UACA: variants seen among roughly 807,000 people sequenced by gnomAD.
The protein encoded by UACA is uveal autoantigen with coiled-coil domains and ankyrin repeats.
A neutral mutation model predicts 160.5 loss-of-function variants in UACA; 112 were observed. The ratio of observed to expected loss-of-function variants is 0.70; its 90% CI spans 0.60 to 0.82. The LOEUF is 0.82. UACA is among the 40% of genes least tolerant of loss of function. UACA has a pLI of 0.00. For synonymous variants in UACA, 557 were observed against 568.4 expected, an observed-to-expected ratio of 0.98 and a Z score of 0.29; for missense variants, 1,574 against 1,614.6, an observed-to-expected ratio of 0.97 and a Z score of 0.43.
intron 1 of UACA, among the ~76,000 whole-genome samples, chr15:70,710,282 A>G (rs1898644753): frequency 6.6e-6 from 1 of 152,200 alleles, no homozygotes; most frequent in African/African-American, 2.4e-5. Context: ...TAAATAAAAA[A>G]TAAATCTGAG....
intron 1 of UACA, among the ~76,000 whole-genome samples, chr15:70,724,177 T>C (rs1021161184): frequency 3.9e-5 from 6 of 152,322 alleles, no homozygotes; most frequent in African/African-American, 1.4e-4. Context: ...TAAGTATCTG[T>C]TGAGCAACTG....
intron 1 of UACA, among the ~76,000 whole-genome samples, chr15:70,747,926 T>C (rs1321690759): frequency 6.6e-6 from 1 of 152,188 alleles, no homozygotes; most frequent in African/African-American, 2.4e-5. Flanking sequence ...TGAAATAATA[T>C]ATTCTTAAAT....
intron 3 of UACA, among the ~76,000 whole-genome samples, chr15:70,694,482 G>A (rs1014949790): frequency 1.3e-5 from 2 of 152,136 alleles, no homozygotes; most frequent in African/African-American, 2.4e-5. Flanking sequence ...TTCTGACTGC[G>A]ACTTAGCTAC....
At chr15:70,769,481 G>A in the UACA span, among the ~76,000 whole-genome samples, 3 of 151,536 alleles carry the variant, frequency 2.0e-5, no homozygotes, top group Non-Finnish European at 2.9e-5. Context: ...TCAGTTATGG[G>A]AAAGGGAAAG....
intron 1 of UACA, among the ~76,000 whole-genome samples, chr15:70,707,398 G>A (rs557322648): frequency 6.6e-5 from 10 of 152,162 alleles, no homozygotes; most frequent in African/African-American, 2.4e-4. Flanking sequence ...GACACCAAAA[G>A]CTCAGCTACA....
chr15:70,700,357 AATTC>A (rs1378366994), intron 1 of UACA, among the ~76,000 whole-genome samples: 1 of 150,580 alleles, frequency 6.6e-6, no homozygotes, highest in Non-Finnish European at 1.5e-5. Context: ...TACAGAAAGC[AATTC>A]ATTATGTTTA....
At chr15:70,708,924 A>C (rs554644360) in intron 1 of UACA, among the ~76,000 whole-genome samples, 1 of 152,332 alleles carries the variant, frequency 6.6e-6, no homozygotes, top group East Asian at 1.9e-4. Flanking sequence ...TATTCTCTCA[A>C]GTTCTGTAAT....
intron 7 of UACA, among the ~76,000 whole-genome samples, chr15:70,686,484 C>CTTTT (rs59586401): frequency 9.5e-5 from 10 of 104,854 alleles, no homozygotes; most frequent in African/African-American, 2.4e-4. Context: ...AGCCAGGGTT[C>CTTTT]TTTTTTTTTT....
At chr15:70,693,815 G>T (rs550404583) in intron 3 of UACA, among the ~76,000 whole-genome samples, 1 of 152,126 alleles carries the variant, frequency 6.6e-6, no homozygotes, top group Non-Finnish European at 1.5e-5. Flanking sequence ...GAGCTCTGAA[G>T]AGGTAAGGTT....
In UACA at chr15:70,667,345, T is replaced by C. The variant is rs903041127; in HGVS notation, c.3339A>G (p.Pro1113=). 3.1e-6 allele frequency: 5 copies of C among 1,612,978 alleles called. No homozygotes were observed. Among genetic ancestry groups the C allele is most frequent in the Non-Finnish European group, 3.4e-6 (4 of 1,179,828 alleles). The change falls in exon 16 of 19, where the codon CCA becomes CCG. Residue 1113 remains proline (P), a synonymous_variant. Transcript: ENST00000322954. ...TTTTCAGAGCCTCAACCTGTTCCAA[T>C]GGAACATGTTGTTTTTGCAAAAGAT... is the stretch of plus-strand genomic sequence containing the variant. ...VQNLLQKQHV[P]LEQVEALKKS...
chr15:70,692,847 C>T (rs1027899006), intron 3 of UACA, among the ~76,000 whole-genome samples: 1 of 152,158 alleles, frequency 6.6e-6, no homozygotes, highest in Non-Finnish European at 1.5e-5. Flanking sequence ...ATGTTTTATT[C>T]ATCTTGGAGG....
intron 8 of UACA, among the ~76,000 whole-genome samples, chr15:70,683,401 C>T (rs190798303): frequency 1.3e-5 from 2 of 151,914 alleles, no homozygotes; most frequent in African/African-American, 4.8e-5. Context: ...CTCCTAAATT[C>T]GAAGGCAATT....
the UACA span, among the ~76,000 whole-genome samples, chr15:70,778,200 C>CAAAA: frequency 7.8e-6 from 1 of 128,498 alleles, no homozygotes. Flanking sequence ...GACCTGGTCT[C>CAAAA]AAAAAAAAAA....
chr15:70,716,985 G>A (rs1188296045), intron 1 of UACA, among the ~76,000 whole-genome samples: 1 of 152,184 alleles, frequency 6.6e-6, no homozygotes, highest in Non-Finnish European at 1.5e-5. Context: ...ATTCTGGGAG[G>A]CCAAGGCGGG....
chr15:70,658,261 T>A (rs1215177744), intron 18 of UACA, among the ~76,000 whole-genome samples: 3 of 152,254 alleles, frequency 2.0e-5, no homozygotes, highest in Non-Finnish European at 4.4e-5. Context: ...ATCCACTGCA[T>A]GGACATATTA....
chr15:70,669,307 G>A lies in UACA; in HGVS notation c.1377C>T (p.Asp459=), dbSNP rs537236890. ...CCAGTTCATTTTGGAGCTTCAGTCGGTCTTGTTTTGCTGACTCACAGAAAG... is the reference window on the plus strand; with the variant it reads ...CCAGTTCATTTTGGAGCTTCAGTCGATCTTGTTTTGCTGACTCACAGAAAG... ...MRTFCESAKQ[D]RLKLQNELAH... Residue 459 remains aspartate, a synonymous_variant, in exon 16 of 19, where the codon GAC becomes GAT. Transcript: ENST00000322954. The A allele has an allele frequency of 5.0e-6, 8 of 1,613,996 alleles. No individual in the cohort carries two copies. In the African/African-American group the frequency reaches 9.3e-5, roughly 19 times the overall value.
chr15:70,678,614 C>T (rs997748425), intron 10 of UACA, among the ~76,000 whole-genome samples: 18 of 151,988 alleles, frequency 1.2e-4, no homozygotes, highest in African/African-American at 4.3e-4. Context: ...GATAAAGGCT[C>T]GAATTTAAGG....
intron 1 of UACA, among the ~76,000 whole-genome samples, chr15:70,716,797 A>C (rs970626159): frequency 1.3e-5 from 2 of 152,198 alleles, no homozygotes; most frequent in African/African-American, 4.8e-5. Flanking sequence ...ATTCATTTAA[A>C]ACCTAACAGT....
At chr15:70,670,139 A>G (rs568929529) in intron 15 of UACA, among the ~76,000 whole-genome samples, 1 of 152,276 alleles carries the variant, frequency 6.6e-6, no homozygotes, top group Non-Finnish European at 1.5e-5. Flanking sequence ...CGGCTTCCTG[A>G]TAAGATCTCC....
Sources: gnomAD v4.1 joint callset for allele counts (sites outside exome capture counted in the v4.1 genomes callset) on GRCh38, gnomAD v4.1.1 for gene constraint, MANE v1.5 for transcripts, NCBI Gene and HGNC (gene_info 2026-07-23, HGNC 2026-07-21) for gene names.